Variants in BCO1 observed in about 807,000 individuals in gnomAD.
The protein encoded by BCO1 is beta-carotene oxygenase 1, also known as beta,beta-carotene 15,15'-dioxygenase.
In BCO1, 54 loss-of-function variants were observed where a neutral mutation model predicts 56.3. The ratio of observed to expected loss-of-function variants is 0.96; its 90% CI spans 0.77 to 1.20. The LOEUF is 1.20. Among genes scored for constraint, BCO1 ranks in the 50% most tolerant of loss-of-function variants. The pLI, the probability that BCO1 is intolerant of heterozygous loss-of-function variation, is 0.00. For synonymous variants in BCO1, 318 were observed against 266.1 expected, an observed-to-expected ratio of 1.20 and a Z score of -1.90; for missense variants, 801 against 690.9, an observed-to-expected ratio of 1.16 and a Z score of -1.79.
chr16:81,244,885 A>T (rs1461918263), intron 1 of BCO1, among the ~76,000 whole-genome samples: 2 of 151,548 alleles, frequency 1.3e-5, no homozygotes, highest in African/African-American at 4.8e-5. Context: ...ACAATGAGCT[A>T]TGTTTTTTTG....
intron 5 of BCO1, among the ~76,000 whole-genome samples, chr16:81,266,896 A>T (rs74029101): frequency 3.1e-3 from 478 of 152,098 alleles, no homozygotes; most frequent in African/African-American, 0.011. Context: ...CTATCCCACA[A>T]CCCCACAGCA....
chr16:81,243,999 G>A (rs190067651), intron 1 of BCO1, among the ~76,000 whole-genome samples: 206 of 152,368 alleles, frequency 1.4e-3, no homozygotes, highest in African/African-American at 3.8e-3. Context: ...GCAAGGCAAC[G>A]GCGGGATTTG....
intron 9 of BCO1, among the ~76,000 whole-genome samples, 171 bp from the exon 10 acceptor site, chr16:81,287,124 G>A (rs1908227807): frequency 6.6e-6 from 1 of 152,174 alleles, no homozygotes; most frequent in African/African-American, 2.4e-5. Flanking sequence ...GTTAGCTCCT[G>A]TCCTTTCTTG....
chr16:81,239,427 T>C (rs959449012), intron 1 of BCO1, among the ~76,000 whole-genome samples: 96 of 152,194 alleles, frequency 6.3e-4, no homozygotes, highest in African/African-American at 2.2e-3. Context: ...ACACATTTTC[T>C]GTGAAAATCT....
At chr16:81,251,872 A>ATGTG (rs773100922) in intron 2 of BCO1, among the ~76,000 whole-genome samples, 2 of 117,280 alleles carry the variant, frequency 1.7e-5, no homozygotes, top group African/African-American at 4.4e-5. Context: ...ACACACACAT[A>ATGTG]TATGTGTGTG....
At position 81,266,113 on chromosome 16, in the gene BCO1, C is replaced by T. The variant is rs145655287; in HGVS notation, c.619+1326C>T. On this transcript the variant is annotated intron_variant, in intron 5 of 10. Transcript: ENST00000258168. ...ATGACAAGGTTATGCCACCTACTTT[C>T]ATTCCTAGCCCCTGCAGCCAAGTTT... Among the ~76,000 whole-genome samples the T allele has an allele frequency of 2.0e-3, 310 of 152,254 alleles. 3 individuals are homozygous for T. Among genetic ancestry groups the T allele is most frequent in the African/African-American group, 7.2e-3 (301 of 41,566 alleles).
chr16:81,269,262 A>C (rs1597365066), intron 6 of BCO1, among the ~76,000 whole-genome samples: 1 of 142,818 alleles, frequency 7.0e-6, no homozygotes, highest in Admixed American at 7.0e-5. Context: ...ACACTGTGTT[A>C]CTCCACCATC....
Position 81,290,461 on chromosome 16 carries a change from C to T in BCO1, c.1528C>T (p.His510Tyr). 6.2e-7 allele frequency: 1 copy of T among 1,614,142 alleles called. No homozygotes were observed. The highest frequency in any genetic ancestry group is 8.5e-7 in the Non-Finnish European group (1 of 1,180,008). Residue 510 changes from histidine to tyrosine, a missense_variant, in exon 11 of 11, where the codon CAC becomes TAC. Physicochemically the swap from His to Tyr is moderately conservative, Grantham distance 83. Transcript: ENST00000258168. ...CCGTGCCTCTGTTGATGTCGATATGCACATGGATCTCCATGGATTATTCAT... is the reference window on the plus strand; with the variant it reads ...CCGTGCCTCTGTTGATGTCGATATGTACATGGATCTCCATGGATTATTCAT... ...LARASVDVDM[H>Y]MDLHGLFITD...
chr16:81,250,668 C>T (rs1424749124), intron 2 of BCO1, among the ~76,000 whole-genome samples: 2 of 147,022 alleles, frequency 1.4e-5, no homozygotes, highest in East Asian at 4.0e-4. Flanking sequence ...GCAGGCTCTG[C>T]CTCCCAGGTT....
intron 7 of BCO1, among the ~76,000 whole-genome samples, chr16:81,272,322 GT>G (rs1336441286): frequency 6.6e-6 from 1 of 150,840 alleles, no homozygotes; most frequent in Non-Finnish European, 1.5e-5. Context: ...GTTTCACCGT[GT>G]TAGCCAGGAT....
chr16:81,277,337 G>A (rs1907618442), intron 7 of BCO1, among the ~76,000 whole-genome samples: 1 of 152,094 alleles, frequency 6.6e-6, no homozygotes, highest in Middle Eastern at 3.2e-3. Flanking sequence ...AGTTATTTAT[G>A]ATCCCCCACG....
At chr16:81,247,839 TTTTAA>T (rs1271575778) in intron 2 of BCO1, among the ~76,000 whole-genome samples, 4 of 151,952 alleles carry the variant, frequency 2.6e-5, no homozygotes, top group African/African-American at 7.3e-5. Context: ...CCCATTTCTA[TTTTAA>T]TTTATTTTAA....
In BCO1 at chr16:81,290,872, G is replaced by A. The variant is rs1252072522; in HGVS notation, c.*295G>A. 1 of 321,586 alleles carries A rather than the reference G, an allele frequency of 3.1e-6. No individual in the cohort carries two copies. Among genetic ancestry groups the A allele is most frequent in the Non-Finnish European group, 5.7e-6 (1 of 174,550 alleles). The allele number at this position is 321,586 out of a possible 1,614,324, so 19.9% of individuals were successfully genotyped here. On this transcript the variant is annotated 3_prime_UTR_variant, in exon 11 of 11. Coordinates refer to ENST00000258168, the MANE Select transcript of BCO1 (RefSeq NM_017429.3). ...AGACCTTGACCATGAATCAGAGATT[G>A]TATTCAATGACATTATCATCATTTT...
intron 3 of BCO1, among the ~76,000 whole-genome samples, chr16:81,261,273 G>A (rs776746772): frequency 6.6e-6 from 1 of 152,162 alleles, no homozygotes; most frequent in African/African-American, 2.4e-5. Flanking sequence ...ACCGATACAG[G>A]ATTTGCCAAT....
intron 4 of BCO1, 74 bp from the exon 5 acceptor site, chr16:81,264,566 A>C: frequency 6.4e-7 from 1 of 1,565,938 alleles, no homozygotes; most frequent in Non-Finnish European, 8.8e-7. Context: ...TCCTTTGAAA[A>C]ACCAGATGAT....
chr16:81,274,588 C>G (rs1157817098), intron 7 of BCO1, among the ~76,000 whole-genome samples: 1 of 151,896 alleles, frequency 6.6e-6, no homozygotes, highest in Non-Finnish European at 1.5e-5. Context: ...TCTTTAAAAG[C>G]CATCAGGTGT....
chr16:81,273,963 A>T (rs1014372579), intron 7 of BCO1, among the ~76,000 whole-genome samples: 14 of 152,204 alleles, frequency 9.2e-5, no homozygotes, highest in Non-Finnish European at 1.9e-4. Flanking sequence ...ACTCAGGGCT[A>T]TTGGATGAAC....
At chr16:81,248,263 C>T (rs954801265) in intron 2 of BCO1, among the ~76,000 whole-genome samples, 2 of 151,610 alleles carry the variant, frequency 1.3e-5, no homozygotes, top group African/African-American at 2.4e-5. Context: ...ATTAGCTGAG[C>T]GTTGTGGTGA....
At position 81,290,422 on chromosome 16, in the gene BCO1, T is replaced by G; in HGVS notation, c.1489T>G (p.Phe497Val). The change falls in exon 11 of 11, where the codon TTT (phenylalanine) becomes GTT (valine). Residue 497 changes from phenylalanine (F) to valine (V), a missense_variant. By Grantham distance (50) the Phe-to-Val change is conservative. Transcript: ENST00000258168. Reference protein sequence around the residue: ...PFLLILDAKSFTELARASVDV... With the variant: ...PFLLILDAKSVTELARASVDV... ...TCTGCTCATTCTGGATGCCAAAAGCTTTACGGAATTGGCCCGTGCCTCTGT... is the reference window on the plus strand; with the variant it reads ...TCTGCTCATTCTGGATGCCAAAAGCGTTACGGAATTGGCCCGTGCCTCTGT... 6.2e-7 allele frequency: 1 copy of G among 1,614,192 alleles called. No homozygotes were observed. The highest frequency in any genetic ancestry group is 8.5e-7 in the Non-Finnish European group (1 of 1,180,036).
Sources: allele counts gnomAD v4.1 joint callset (sites outside exome capture counted in the v4.1 genomes callset), GRCh38; gene constraint gnomAD v4.1.1; transcripts MANE v1.5; gene names NCBI Gene and HGNC (gene_info 2026-07-23, HGNC 2026-07-21).